CHD6: variants seen among roughly 807,000 people sequenced by gnomAD.
The protein encoded by CHD6 is ATP-dependent chromatin remodeler CHD6.
In CHD6, 50 loss-of-function variants were observed where a neutral mutation model predicts 276.9. The observed-to-expected ratio is 0.18, with a 90% CI of 0.14 to 0.23. The LOEUF is 0.23. CHD6 is among the 10% of genes least tolerant of loss of function. The pLI is 1.00. For missense variants in CHD6, 2,564 were observed against 3,365.8 expected (o/e 0.76, Z 5.89); for synonymous variants, 1,173 against 1,229.3 (o/e 0.95, Z 0.96).
chr20:41,429,596 A>G (rs969788406), intron 27 of CHD6, among the ~76,000 whole-genome samples: 2 of 152,228 alleles, frequency 1.3e-5, no homozygotes, highest in African/African-American at 4.8e-5. Context: ...ACCTGAAAAG[A>G]AATTTAAAGA....
At chr20:41,575,191 C>T (rs562202341) in intron 1 of CHD6, among the ~76,000 whole-genome samples, 151 of 152,314 alleles carry the variant, frequency 9.9e-4, no homozygotes, top group African/African-American at 3.5e-3. Context: ...CCTTGAGCCC[C>T]TATGCTCAGC....
At chr20:41,608,037 G>A (rs2045848107) in intron 1 of CHD6, among the ~76,000 whole-genome samples, 1 of 152,150 alleles carries the variant, frequency 6.6e-6, no homozygotes. Flanking sequence ...CGATGAAAGA[G>A]TCTAGCACCA....
chr20:41,543,265 TAACTC>T (rs1359100668), intron 2 of CHD6, among the ~76,000 whole-genome samples: 1 of 152,200 alleles, frequency 6.6e-6, no homozygotes, highest in Non-Finnish European at 1.5e-5. Context: ...AGAGGCTAAA[TAACTC>T]AACTTGGTCC....
intron 5 of CHD6, among the ~76,000 whole-genome samples, chr20:41,502,433 A>G (rs1040211786): frequency 1.6e-4 from 25 of 152,232 alleles, no homozygotes; most frequent in African/African-American, 6.0e-4. Flanking sequence ...CAAGTGCTCA[A>G]TAGGCACATG....
In CHD6 at chr20:41,404,445, C is replaced by T; in HGVS notation, c.*148G>A. The T allele has an allele frequency of 7.4e-7, 1 of 1,347,560 alleles. No homozygotes were observed. Among genetic ancestry groups the T allele is most frequent in the Non-Finnish European group, 9.5e-7 (1 of 1,049,528 alleles). 83.5% of individuals were successfully genotyped at this position (1,347,560 alleles called of 1,614,324 possible). ...GGTGAGACCCTGCAACTATTAACAT[C>T]TGTTACCATAGTTCTCAGACAGGAA... On this transcript the variant is annotated 3_prime_UTR_variant, in exon 37 of 37. Transcript: ENST00000373233.
chr20:41,450,771 T>G (rs114935482), intron 23 of CHD6, among the ~76,000 whole-genome samples, 175 bp downstream of exon 23: 8 of 152,212 alleles, frequency 5.3e-5, no homozygotes, highest in African/African-American at 1.9e-4. Flanking sequence ...AAAGGAGTTA[T>G]AGGAGCTGTA....
At chr20:41,450,516 C>T (rs1300755837) in intron 23 of CHD6, among the ~76,000 whole-genome samples, 4 of 151,428 alleles carry the variant, frequency 2.6e-5, no homozygotes, top group African/African-American at 9.7e-5. Flanking sequence ...CCTACAGATA[C>T]AAAGCATACT....
intron 3 of CHD6, among the ~76,000 whole-genome samples, chr20:41,526,284 G>A (rs184803049): frequency 7.2e-4 from 109 of 152,206 alleles, no homozygotes; most frequent in Admixed American, 3.1e-3. Context: ...CTCTACTGAG[G>A]ACTCATACAC....
At position 41,483,489 on chromosome 20, in the gene CHD6, C is replaced by T. The variant is rs764370036; in HGVS notation, c.2288G>A (p.Arg763Gln). 31 of 1,612,592 alleles carry T rather than the reference C, an allele frequency of 1.9e-5. No individual in the cohort carries two copies. The highest frequency in any genetic ancestry group is 4.5e-5 in the East Asian group (2 of 44,768). The change falls in exon 16 of 37, where the codon CGA (arginine) becomes CAA (glutamine). Residue 763 changes from arginine to glutamine, a missense_variant. Arg to Gln is a conservative substitution (Grantham distance 43). Around this residue, in one of 7 missense-constraint regions of CHD6, gnomAD observed 457 missense variants for 889.0 expected, o/e 0.51. Coordinates refer to ENST00000373233, the MANE Select transcript of CHD6 (RefSeq NM_032221.5). ...AGGGGCATCAGGGCTGTGGGTTTTT[C>T]GGAAATCTTCTAGAATTTTCTCCTC... ...GAEEKILEDFRKTHSPDAPDF... is the reference protein window; with the variant it reads ...GAEEKILEDFQKTHSPDAPDF...
intron 1 of CHD6, among the ~76,000 whole-genome samples, chr20:41,613,785 T>C (rs2045910867): frequency 6.6e-6 from 1 of 152,070 alleles, no homozygotes; most frequent in Admixed American, 6.6e-5. Context: ...CGTTTGAGAA[T>C]CATAAAAAAC....
chr20:41,517,400 C>G (rs1378026949), intron 3 of CHD6, among the ~76,000 whole-genome samples: 1 of 152,048 alleles, frequency 6.6e-6, no homozygotes, highest in Admixed American at 6.5e-5. Flanking sequence ...ACTTATGTAA[C>G]AAACCTGCAT....
At chr20:41,579,567 A>T (rs2146228984) in intron 1 of CHD6, among the ~76,000 whole-genome samples, 1 of 152,292 alleles carries the variant, frequency 6.6e-6, no homozygotes. Context: ...AAAACACAAA[A>T]ACATCTGATA....
intron 5 of CHD6, among the ~76,000 whole-genome samples, chr20:41,504,324 C>A (rs748970808): frequency 5.0e-4 from 75 of 149,710 alleles, no homozygotes; most frequent in Non-Finnish European, 9.8e-4. Flanking sequence ...ACACTGCTAT[C>A]TGATTTTCTT....
In CHD6 at chr20:41,461,263, G is replaced by C. The variant is rs114869238; in HGVS notation, c.2665-3835C>G. On this transcript the variant is annotated intron_variant, in intron 17 of 36. Transcript: ENST00000373233. Reference sequence around the variant, plus strand: ...GACTGTGGACTTTTGGGTTAATGCTGAATGAGTTAAGACTTTCGGGGACTG... The same window carrying C: ...GACTGTGGACTTTTGGGTTAATGCTCAATGAGTTAAGACTTTCGGGGACTG... 4.5e-3 allele frequency among the ~76,000 whole-genome samples: 682 copies of C among 152,328 alleles called. 4 individuals carry two copies. The highest frequency in any genetic ancestry group is 0.016 in the African/African-American group (653 of 41,570).
At chr20:41,429,878 C>A (rs1359204809) in intron 27 of CHD6, among the ~76,000 whole-genome samples, 1 of 152,200 alleles carries the variant, frequency 6.6e-6, no homozygotes, top group Non-Finnish European at 1.5e-5. Flanking sequence ...CAGGCTTGTG[C>A]CAGGGCTCCT....
intron 1 of CHD6, among the ~76,000 whole-genome samples, chr20:41,553,451 T>C (rs1485405809): frequency 6.6e-6 from 1 of 152,244 alleles, no homozygotes; most frequent in Non-Finnish European, 1.5e-5. Context: ...CCATTCCTTA[T>C]TTGGAAATGT....
intron 17 of CHD6, among the ~76,000 whole-genome samples, chr20:41,460,253 G>C (rs2048501892): frequency 6.6e-6 from 1 of 152,192 alleles, no homozygotes; most frequent in Admixed American, 6.5e-5. Context: ...TAAAAATTTG[G>C]AAAATTTGCA....
At chr20:41,461,992 A>G (rs542920841) in intron 17 of CHD6, 1 of 152,372 alleles carries the variant, frequency 6.6e-6, no homozygotes, top group Admixed American at 6.5e-5. Context: ...CAAGTGGCTA[A>G]GAAACAGTCC....
rs190998886 is a variant in CHD6 at position 41,523,729 on chromosome 20, A to T, written c.555-8777T>A. ...GATTTCTCAAACTTTCTCTTCAAGC[A>T]TATCTCCAGTTTCTAACCTCCAGGT... On this transcript the variant is annotated intron_variant, in intron 3 of 36. Coordinates refer to ENST00000373233, the MANE Select transcript of CHD6 (RefSeq NM_032221.5). Among the ~76,000 whole-genome samples the T allele has an allele frequency of 5.3e-5, 8 of 152,086 alleles. No individual in the cohort carries two copies. In the East Asian group the frequency reaches 1.4e-3, roughly 26 times the overall value.
Sources: gnomAD v4.1 joint callset for allele counts (sites outside exome capture counted in the v4.1 genomes callset) on GRCh38, gnomAD v4.1.1 for gene constraint, gnomAD v4.1.1 regional missense constraint, MANE v1.5 for transcripts, NCBI Gene and HGNC (gene_info 2026-07-23, HGNC 2026-07-21) for gene names.